The following SNX29 variants were observed in gnomAD, a reference collection of about 807,000 sequenced individuals.
SNX29 encodes the protein sorting nexin-29.
Under a neutral mutation model 102.1 loss-of-function variants are expected in SNX29, and 78 were observed. The ratio of observed to expected loss-of-function variants is 0.76; its 90% CI spans 0.64 to 0.92. The LOEUF (loss-of-function observed/expected upper bound fraction) is 0.92, where lower values mean the gene tolerates loss of function less well. Among genes scored for constraint, SNX29 ranks in the 40% least tolerant of loss-of-function variants. The pLI, the probability that SNX29 is intolerant of heterozygous loss-of-function variation, is 0.00. For missense variants in SNX29, 1,280 were observed against 1,061.7 expected (o/e 1.21, Z -2.86); for synonymous variants, 580 against 414.5 (o/e 1.40, Z -4.85).
At chr16:12,260,880 ATG>A (rs2078725095) in intron 14 of SNX29, among the ~76,000 whole-genome samples, 2 of 128,074 alleles carry the variant, frequency 1.6e-5, no homozygotes, top group Admixed American at 8.0e-5. Flanking sequence ...GGGTCTGTGC[ATG>A]CGTCCCCAGC....
At chr16:12,017,272 G>T (rs1327617823) in intron 3 of SNX29, among the ~76,000 whole-genome samples, 1 of 152,120 alleles carries the variant, frequency 6.6e-6, no homozygotes, top group South Asian at 2.1e-4. Context: ...CCTAACCTGG[G>T]CCTCAGTGTT....
chr16:12,297,081 C>T (rs2080006838), intron 15 of SNX29: 1 of 152,374 alleles, frequency 6.6e-6, no homozygotes, highest in Non-Finnish European at 1.5e-5. Flanking sequence ...GAGAACCACT[C>T]CTCTAGGATA....
rs1306700346 is a variant in SNX29 at position 12,006,255 on chromosome 16, C to T, written c.122+3212C>T. Among the ~76,000 whole-genome samples the T allele has an allele frequency of 2.2e-4, 33 of 151,084 alleles. 2 individuals carry two copies. The highest frequency in any genetic ancestry group is 2.1e-3 in the Admixed American group (32 of 15,196). ...TAATAGCCAGGCATGGTGGCTCACG[C>T]CTGTAATCCCAGCACTTTGGGAGGC... On this transcript the variant is annotated intron_variant, in intron 3 of 20. Coordinates refer to ENST00000566228, the MANE Select transcript of SNX29 (RefSeq NM_032167.5).
intron 20 of SNX29, among the ~76,000 whole-genome samples, chr16:12,555,081 G>A (rs894197866): frequency 6.6e-6 from 1 of 151,680 alleles, no homozygotes; most frequent in Non-Finnish European, 1.5e-5. Context: ...GGAGGTGGAG[G>A]AAAAGTGAAA....
intron 20 of SNX29, among the ~76,000 whole-genome samples, chr16:12,558,035 A>T (rs2078480442): frequency 6.6e-6 from 1 of 152,158 alleles, no homozygotes; most frequent in Non-Finnish European, 1.5e-5. Context: ...ACTGTGAGGT[A>T]ATTGGCCGGG....
chr16:12,326,329 C>CTTTT (rs35321885), intron 15 of SNX29, among the ~76,000 whole-genome samples: 8 of 141,664 alleles, frequency 5.6e-5, no homozygotes, highest in South Asian at 2.3e-4. Flanking sequence ...GCTTTTTTGT[C>CTTTT]TTTTTTTTTT....
At chr16:12,335,880 C>T (rs1348306220) in intron 15 of SNX29, among the ~76,000 whole-genome samples, 2 of 152,152 alleles carry the variant, frequency 1.3e-5, no homozygotes, top group Non-Finnish European at 2.9e-5. Flanking sequence ...ACCACATGCT[C>T]AAGCTCATGT....
intron 14 of SNX29, among the ~76,000 whole-genome samples, chr16:12,212,786 G>A (rs1318731235): frequency 6.6e-6 from 1 of 152,188 alleles, no homozygotes; most frequent in East Asian, 1.9e-4. Context: ...AGTGGAGAAA[G>A]AAAACGTGGT....
intron 15 of SNX29, among the ~76,000 whole-genome samples, chr16:12,279,957 C>T (rs987436787): frequency 6.6e-6 from 1 of 152,160 alleles, no homozygotes; most frequent in Non-Finnish European, 1.5e-5. Context: ...TTCGCAGGGT[C>T]CACAAAGGCA....
chr16:12,489,667 C>G (rs1169099682), intron 19 of SNX29, among the ~76,000 whole-genome samples: 2 of 152,216 alleles, frequency 1.3e-5, no homozygotes, highest in African/African-American at 4.8e-5. Flanking sequence ...AAAACCAGGT[C>G]TACAGGGAGG....
intron 19 of SNX29, among the ~76,000 whole-genome samples, chr16:12,521,241 C>T (rs1313762654): frequency 6.6e-6 from 1 of 152,060 alleles, no homozygotes; most frequent in Non-Finnish European, 1.5e-5. Context: ...TCACCTGTAC[C>T]CGCAAAAATT....
intron 13 of SNX29, among the ~76,000 whole-genome samples, chr16:12,169,839 G>C (rs2076104070): frequency 6.6e-6 from 1 of 151,950 alleles, no homozygotes; most frequent in Non-Finnish European, 1.5e-5. Context: ...TCCAGCCTGG[G>C]GACCATCCAG....
intron 19 of SNX29, among the ~76,000 whole-genome samples, chr16:12,481,370 T>G (rs2087898092): frequency 6.7e-6 from 1 of 150,074 alleles, no homozygotes; most frequent in African/African-American, 2.5e-5. Flanking sequence ...GAACTGTGAT[T>G]GTCTTTTATA....
chr16:12,347,177 A>G (rs1367592928), intron 15 of SNX29, among the ~76,000 whole-genome samples: 2 of 151,224 alleles, frequency 1.3e-5, no homozygotes, highest in Non-Finnish European at 2.9e-5. Flanking sequence ...AGGGTTACTT[A>G]AAAGCCTCTG....
intron 20 of SNX29, among the ~76,000 whole-genome samples, chr16:12,555,726 A>G (rs1184104148): frequency 6.6e-6 from 1 of 151,782 alleles, no homozygotes; most frequent in Non-Finnish European, 1.5e-5. Flanking sequence ...TGGCCCTTTC[A>G]CTTTTCCTTC....
chr16:11,990,529 T>C (rs1280949574), intron 1 of SNX29, among the ~76,000 whole-genome samples: 1 of 152,172 alleles, frequency 6.6e-6, no homozygotes, highest in Admixed American at 6.6e-5. Context: ...TTGCTTCTGC[T>C]TTCTTTCAGT....
At chr16:12,109,246 T>C (rs1455215477) in intron 11 of SNX29, among the ~76,000 whole-genome samples, 6 of 151,426 alleles carry the variant, frequency 4.0e-5, no homozygotes, top group African/African-American at 9.7e-5. Context: ...TGGTGGGGAC[T>C]CTCTGCAGGG....
Position 12,571,464 on chromosome 16 carries a change from GC to G in SNX29, c.*2840del, listed in dbSNP as rs540131110. ...TTTCAAACAACATCTGAGAACAGAA[GC>G]CCCCTCCCCTACTCAGAGAGGAACG... On this transcript the variant is annotated 3_prime_UTR_variant, in exon 21 of 21. Coordinates refer to ENST00000566228, the MANE Select transcript of SNX29 (RefSeq NM_032167.5). 734 of 248,800 alleles carry G rather than the reference GC, an allele frequency of 3.0e-3. 10 individuals are homozygous for G. The highest frequency in any genetic ancestry group is 0.015 in the African/African-American group (699 of 45,622). 15.4% of individuals were successfully genotyped at this position (248,800 alleles called of 1,614,324 possible).
chr16:12,374,803 C>T (rs1235856084), intron 16 of SNX29: 1 of 152,210 alleles, frequency 6.6e-6, no homozygotes, highest in Non-Finnish European at 1.5e-5. Context: ...GCACCTCTCA[C>T]TGTTTTGCAT....
Sources: allele counts gnomAD v4.1 joint callset (sites outside exome capture counted in the v4.1 genomes callset), GRCh38; gene constraint gnomAD v4.1.1; transcripts MANE v1.5; gene names NCBI Gene and HGNC (gene_info 2026-07-23, HGNC 2026-07-21).